Variants in EYA1 observed in about 807,000 individuals in gnomAD.
The protein encoded by EYA1 is protein phosphatase EYA1.
A neutral mutation model predicts 82.0 loss-of-function variants in EYA1; 16 were observed. The observed-to-expected ratio is 0.20, with a 90% confidence interval of 0.13 to 0.30. The LOEUF is 0.30. Ranked by LOEUF, EYA1 falls within the 10% of genes least tolerant of loss-of-function variation. The probability of loss-of-function intolerance (pLI) is 1.00; values close to 1 mark genes in which losing one functional copy is unlikely to be tolerated. For missense variants in EYA1, 633 were observed against 730.7 expected, an observed-to-expected ratio of 0.87 and a Z score of 1.54; for synonymous variants, 261 against 264.4, an observed-to-expected ratio of 0.99 and a Z score of 0.12.
chr8:71,331,245 TACACACACACACACACACACAC>T lies in EYA1; in HGVS notation c.202+2830_202+2851del, dbSNP rs147776263. ...CTCTGTCTCTAAATAAATAAATAAA[TACACACACACACACACACACAC>T]ACACACACACACACACACATATATA... is the stretch of plus-strand genomic sequence containing the variant. On this transcript the variant is annotated intron_variant, in intron 4 of 17. Coordinates refer to ENST00000340726, the MANE Select transcript of EYA1 (RefSeq NM_000503.6). 2.2e-3 allele frequency among the ~76,000 whole-genome samples: 294 copies of T among 136,546 alleles called. 2 individuals are homozygous for T. Among genetic ancestry groups the T allele is most frequent in the African/African-American group, 7.8e-3 (280 of 35,840 alleles). 89.6% of individuals were successfully genotyped at this position (136,546 alleles called of 152,430 possible).
At chr8:71,543,840 A>AT (rs1416247815) in intron 1 of EYA1, among the ~76,000 whole-genome samples, 3 of 152,276 alleles carry the variant, frequency 2.0e-5, no homozygotes, top group South Asian at 2.1e-4. Context: ...CACAGCATTA[A>AT]TTTTTTTAGT....
chr8:71,335,238 C>T (rs1434100412), intron 3 of EYA1, among the ~76,000 whole-genome samples: 1 of 152,138 alleles, frequency 6.6e-6, no homozygotes. Context: ...GGAGGCCTCT[C>T]TTATAAAGCA....
chr8:71,300,852 A>AT (rs1210303557), intron 7 of EYA1, among the ~76,000 whole-genome samples: 9 of 152,180 alleles, frequency 5.9e-5, no homozygotes, highest in Non-Finnish European at 1.0e-4. Flanking sequence ...AACAAAAAGT[A>AT]TTTTTGATGA....
chr8:71,211,070 T>C (rs1160074299), intron 17 of EYA1, 86 bp downstream of exon 17: 1 of 856,210 alleles, frequency 1.2e-6, no homozygotes, highest in Non-Finnish European at 2.0e-6. Flanking sequence ...TTCACATAAA[T>C]GGAACCTGTT....
At chr8:71,422,323 C>A (rs564282426) in intron 2 of EYA1, among the ~76,000 whole-genome samples, 12 of 152,174 alleles carry the variant, frequency 7.9e-5, no homozygotes, top group Non-Finnish European at 1.6e-4. Context: ...AGGGGTTTTA[C>A]TCTCTAGAGC....
intron 2 of EYA1, among the ~76,000 whole-genome samples, chr8:71,493,837 A>C (rs1003719500): frequency 8.1e-5 from 12 of 148,806 alleles, no homozygotes; most frequent in African/African-American, 2.5e-4. Flanking sequence ...TCCCGGCTAA[A>C]ACGGTGAAAC....
At chr8:71,300,714 A>T (rs1473671407) in intron 7 of EYA1, among the ~76,000 whole-genome samples, 1 of 152,218 alleles carries the variant, frequency 6.6e-6, no homozygotes, top group Non-Finnish European at 1.5e-5. Context: ...CTAGGGAAGC[A>T]GCCCCAACTC....
chr8:71,361,810 A>G lies in EYA1; in HGVS notation c.-218T>C. The G allele has an allele frequency of 6.1e-6, 6 of 985,434 alleles. No homozygotes were observed. Among genetic ancestry groups the G allele is most frequent in the Non-Finnish European group, 7.2e-6 (6 of 829,944 alleles). 61.0% of individuals were successfully genotyped at this position (985,434 alleles called of 1,614,324 possible). On this transcript the variant is annotated 5_prime_UTR_variant, in exon 1 of 18. Transcript: ENST00000340726. ...GCTTCTGGGAGTGGAGCGCCTCTGC[A>G]GGGGAAAGCTCGGCGCAGGGGGCAG... is the stretch of plus-strand genomic sequence containing the variant.
intron 9 of EYA1, among the ~76,000 whole-genome samples, chr8:71,278,376 C>T (rs533779938): frequency 6.6e-6 from 1 of 152,334 alleles, no homozygotes; most frequent in South Asian, 2.1e-4. Context: ...TTTTCTTATA[C>T]ATATTGCCAA....
intron 2 of EYA1, among the ~76,000 whole-genome samples, chr8:71,401,911 T>C (rs1029395239): frequency 6.6e-6 from 1 of 152,178 alleles, no homozygotes; most frequent in African/African-American, 2.4e-5. Flanking sequence ...GCCAGGCTAT[T>C]AAAATCTCAC....
chr8:71,265,265 T>C lies in EYA1; in HGVS notation c.1050+4475A>G, dbSNP rs186708999. The stretch of plus-strand genomic sequence containing the variant: ...GACATGGTGCTGAGTATTTATTACA[T>C]TGGGTCTCTAACCTCTCCCGTTTCA... On this transcript the variant is annotated intron_variant, in intron 11 of 17. Coordinates refer to ENST00000340726, the MANE Select transcript of EYA1 (RefSeq NM_000503.6). 1.1e-4 allele frequency among the ~76,000 whole-genome samples: 16 copies of C among 152,286 alleles called. No homozygotes were observed. The East Asian group carries it at 3.1e-3, about 29-fold the overall frequency.
chr8:71,430,359 CACAG>C (rs1270311712), intron 2 of EYA1, among the ~76,000 whole-genome samples: 1 of 152,138 alleles, frequency 6.6e-6, no homozygotes, highest in Non-Finnish European at 1.5e-5. Flanking sequence ...CAGAGTCACA[CACAG>C]ACAGTCAGTG....
At chr8:71,462,585 A>G (rs1437612322) in intron 2 of EYA1, among the ~76,000 whole-genome samples, 1 of 152,150 alleles carries the variant, frequency 6.6e-6, no homozygotes, top group Admixed American at 6.5e-5. Flanking sequence ...AGTGACCCCC[A>G]GGGTGGCAGG....
At chr8:71,303,620 T>C (rs982217169) in intron 7 of EYA1, among the ~76,000 whole-genome samples, 2 of 141,206 alleles carry the variant, frequency 1.4e-5, no homozygotes, top group Non-Finnish European at 3.2e-5. Context: ...TGCCTTCACA[T>C]AGGACTTAGG....
intron 1 of EYA1, among the ~76,000 whole-genome samples, chr8:71,544,395 C>T (rs894122526): frequency 3.3e-5 from 5 of 152,186 alleles, no homozygotes; most frequent in Non-Finnish European, 7.3e-5. Flanking sequence ...GGAACAGAAA[C>T]TCACCTCCTG....
At chr8:71,217,995 G>T (rs992553333) in intron 12 of EYA1, among the ~76,000 whole-genome samples, 2 of 152,130 alleles carry the variant, frequency 1.3e-5, no homozygotes, top group African/African-American at 4.8e-5. Context: ...TATTAATTTG[G>T]AGGCAGACAA....
intron 2 of EYA1, among the ~76,000 whole-genome samples, chr8:71,516,080 T>C (rs961203632): frequency 6.6e-6 from 1 of 152,172 alleles, no homozygotes; most frequent in African/African-American, 2.4e-5. Context: ...CAGTTACACA[T>C]GGAAGACTGT....
chr8:71,228,908 G>T (rs1038886446), intron 12 of EYA1, among the ~76,000 whole-genome samples: 2 of 152,176 alleles, frequency 1.3e-5, no homozygotes, highest in Non-Finnish European at 2.9e-5. Context: ...AGCACGTTCA[G>T]ATACATTTTT....
chr8:71,449,764 C>T lies in EYA1; in HGVS notation c.33+85980G>A, dbSNP rs772651470. On this transcript the variant is annotated intron_variant, in intron 2 of 18. Transcript: ENST00000643681. ...CTTTAGCTGTGAAAGTCCTGGATGG[C>T]ATCTTCTTCCACAGGAAGACTTTTG... is the stretch of plus-strand genomic sequence containing the variant. Among the ~76,000 whole-genome samples the T allele has an allele frequency of 8.5e-5, 13 of 152,190 alleles. 1 individual carries two copies. In the South Asian group the frequency reaches 2.7e-3, roughly 32 times the overall value.
Sources: gnomAD v4.1 joint callset for allele counts (sites outside exome capture counted in the v4.1 genomes callset) on GRCh38, gnomAD v4.1.1 for gene constraint, MANE v1.5 for transcripts, NCBI Gene and HGNC (gene_info 2026-07-23, HGNC 2026-07-21) for gene names.